The following GABRG3 variants were observed in gnomAD, a reference collection of about 807,000 sequenced individuals.
The protein encoded by GABRG3 is gamma-aminobutyric acid type A receptor subunit gamma3, also known as gamma-aminobutyric acid receptor subunit gamma-3.
Under a neutral mutation model 48.8 loss-of-function variants are expected in GABRG3, and 25 were observed. The observed-to-expected ratio is 0.51, with a 90% CI of 0.37 to 0.72. The LOEUF is 0.72. GABRG3 is among the 30% of genes least tolerant of loss of function. The pLI, the probability that GABRG3 is intolerant of heterozygous loss-of-function variation, is 0.00. For missense variants in GABRG3, 394 were observed against 577.9 expected, an observed-to-expected ratio of 0.68 and a Z score of 3.26; for synonymous variants, 227 against 217.6, an observed-to-expected ratio of 1.04 and a Z score of -0.38.
intron 5 of GABRG3, among the ~76,000 whole-genome samples, chr15:27,463,866 G>T (rs192188453): frequency 5.3e-5 from 8 of 152,016 alleles, no homozygotes; most frequent in Admixed American, 3.3e-4. Flanking sequence ...TTCTCTCTTC[G>T]CTCTTCTCTC....
At chr15:27,499,073 G>A (rs1890556773) in intron 6 of GABRG3, among the ~76,000 whole-genome samples, 1 of 152,164 alleles carries the variant, frequency 6.6e-6, no homozygotes, top group Non-Finnish European at 1.5e-5. Context: ...GTGGTGCTAA[G>A]GGCGGTGTTT....
At chr15:27,380,425 G>T (rs1364596991) in intron 5 of GABRG3, among the ~76,000 whole-genome samples, 16 of 145,618 alleles carry the variant, frequency 1.1e-4, no homozygotes, top group East Asian at 2.0e-4. Flanking sequence ...TGTGTGTGTG[G>T]TTTTTTTTTT....
intron 3 of GABRG3, among the ~76,000 whole-genome samples, chr15:27,273,297 AG>A (rs1253200869): frequency 6.6e-6 from 1 of 152,234 alleles, no homozygotes; most frequent in Non-Finnish European, 1.5e-5. Context: ...TTCAGGCTAC[AG>A]CAAAGAAACT....
At chr15:27,230,195 CAGTT>C (rs1566972956) in intron 3 of GABRG3, among the ~76,000 whole-genome samples, 1 of 152,146 alleles carries the variant, frequency 6.6e-6, no homozygotes, top group African/African-American at 2.4e-5. Context: ...ATTTGACTCT[CAGTT>C]TGGTTGTAAT....
intron 3 of GABRG3, among the ~76,000 whole-genome samples, chr15:27,178,127 G>A (rs1436716390): frequency 6.6e-6 from 1 of 152,136 alleles, no homozygotes; most frequent in East Asian, 1.9e-4. Flanking sequence ...GGGCCTTGTT[G>A]GGGAAAAGGT....
chr15:27,037,212 T>A (rs1207100407), intron 3 of GABRG3, among the ~76,000 whole-genome samples: 1 of 152,142 alleles, frequency 6.6e-6, no homozygotes, highest in Non-Finnish European at 1.5e-5. Context: ...AGAAAACACA[T>A]TTGTTGTGTG....
chr15:27,304,049 T>C (rs1450170380), intron 3 of GABRG3, among the ~76,000 whole-genome samples: 1 of 151,918 alleles, frequency 6.6e-6, no homozygotes, highest in East Asian at 1.9e-4. Context: ...CTATTCATGA[T>C]AAAAACTCGC....
At chr15:27,016,006 T>G (rs1373357352) in intron 2 of GABRG3, among the ~76,000 whole-genome samples, 1 of 152,190 alleles carries the variant, frequency 6.6e-6, no homozygotes, top group Non-Finnish European at 1.5e-5. Context: ...CCTACCTCTT[T>G]GTATACTGTG....
chr15:26,989,125 A>C (rs1185950221), intron 2 of GABRG3, among the ~76,000 whole-genome samples: 1 of 152,150 alleles, frequency 6.6e-6, no homozygotes, highest in African/African-American at 2.4e-5. Context: ...AATTTCCATC[A>C]CTATGAATTT....
intron 7 of GABRG3, among the ~76,000 whole-genome samples, chr15:27,522,072 C>A (rs896560548): frequency 6.6e-6 from 1 of 151,832 alleles, no homozygotes; most frequent in African/African-American, 2.4e-5. Context: ...CCATCATAGT[C>A]CAAATGATGA....
In GABRG3 at chr15:27,180,255, AGAG is replaced by A. The variant is rs1403906747; in HGVS notation, c.271-146552_271-146550del. On this transcript the variant is annotated intron_variant, in intron 3 of 9. Coordinates refer to ENST00000615808, the MANE Select transcript of GABRG3 (RefSeq NM_033223.5). The surrounding 1 kb of genome is among the most constrained non-coding windows in gnomAD (Gnocchi z 4.2). ...AAAGTTTGTAAACCACTGATGTAGA[AGAG>A]GGAGTAGATGTACATTCTGGTCACA... 6.6e-6 allele frequency among the ~76,000 whole-genome samples: 1 copy of A among 152,182 alleles called. No homozygotes were observed. Among genetic ancestry groups the A allele is most frequent in the Admixed American group, 6.5e-5 (1 of 15,284 alleles).
intron 6 of GABRG3, among the ~76,000 whole-genome samples, chr15:27,489,131 T>C (rs1890288148): frequency 1.3e-5 from 2 of 152,060 alleles, no homozygotes; most frequent in South Asian, 4.1e-4. Flanking sequence ...ATGCAGTGTT[T>C]GGTTTTCTGT....
At chr15:26,980,170 T>G (rs1041837669) in intron 2 of GABRG3, among the ~76,000 whole-genome samples, 1 of 152,212 alleles carries the variant, frequency 6.6e-6, no homozygotes, top group African/African-American at 2.4e-5. Flanking sequence ...TATCCCTGCT[T>G]CATTTCTGAT....
At chr15:27,156,304 A>G (rs79885868) in intron 3 of GABRG3, among the ~76,000 whole-genome samples, 1 of 147,870 alleles carries the variant, frequency 6.8e-6, no homozygotes, top group East Asian at 2.0e-4. Context: ...GTCTCAAAAA[A>G]AAAAAAAAAA....
In GABRG3 at chr15:27,527,950, C is replaced by G; in HGVS notation, c.1080C>G (p.Ser360=). 4.4e-6 allele frequency: 7 copies of G among 1,592,548 alleles called. No individual in the cohort carries two copies. The highest frequency in any genetic ancestry group is 6.0e-6 in the Non-Finnish European group (7 of 1,168,168). ...KKTTSLLHPD[S]SRWIPERISL... The stretch of plus-strand genomic sequence containing the variant: ...TCTTGTAGTTACTACATCCAGATTC[C>G]TCAAGATGGATTCCTGAGCGAATAA... The change falls in exon 9 of 10, where the codon TCC becomes TCG. Residue 360 remains serine (S), a synonymous_variant. Transcript: ENST00000615808.
intron 2 of GABRG3, among the ~76,000 whole-genome samples, chr15:27,007,792 A>G (rs933009353): frequency 6.6e-6 from 1 of 151,930 alleles, no homozygotes; most frequent in Admixed American, 6.6e-5. Context: ...TAATTTCCTT[A>G]TAGATTCTGG....
intron 3 of GABRG3, among the ~76,000 whole-genome samples, chr15:27,080,494 T>C (rs1431847219): frequency 6.6e-6 from 1 of 152,080 alleles, no homozygotes; most frequent in Non-Finnish European, 1.5e-5. Context: ...GTCATTCTGA[T>C]TAAGCTGGGC....
rs117964260 is a variant in GABRG3, at chr15:27,337,921, T to C, written c.574+9033T>C. ...TCTAAACCCCTTCCTATACATTCAC[T>C]ATTGGAACACAGGCTAGAGAAGGGG... On this transcript the variant is annotated intron_variant, in intron 5 of 9. Coordinates refer to ENST00000615808, the MANE Select transcript of GABRG3 (RefSeq NM_033223.5). Among the ~76,000 whole-genome samples, 23 of 152,286 alleles carry C rather than the reference T, an allele frequency of 1.5e-4. No homozygotes were observed. In the East Asian group the frequency reaches 4.4e-3, roughly 29 times the overall value.
chr15:27,340,668 T>C (rs1427475119), intron 5 of GABRG3: 1 of 153,072 alleles, frequency 6.5e-6, no homozygotes, highest in African/African-American at 2.4e-5. Context: ...TCAATAAAAA[T>C]GGAACCAAAG....
Sources: gnomAD v4.1 joint callset for allele counts (sites outside exome capture counted in the v4.1 genomes callset) on GRCh38, gnomAD v4.1.1 for gene constraint, Gnocchi (gnomAD v3.1) non-coding constraint, MANE v1.5 for transcripts, NCBI Gene and HGNC (gene_info 2026-07-23, HGNC 2026-07-21) for gene names.